Variants in ZNF430 observed in about 807,000 individuals in gnomAD.
The protein encoded by ZNF430 is zinc finger protein 430.
In ZNF430, 35 loss-of-function variants were observed where a neutral mutation model predicts 56.7. The ratio of observed to expected loss-of-function variants is 0.62; its 90% CI spans 0.47 to 0.82. The LOEUF (loss-of-function observed/expected upper bound fraction) is 0.82, where lower values mean the gene tolerates loss of function less well. Ranked by LOEUF, ZNF430 falls within the 40% of genes least tolerant of loss-of-function variation. The pLI is 0.00. For synonymous variants in ZNF430, 212 were observed against 224.3 expected (o/e 0.94, Z 0.49); for missense variants, 574 against 661.0 (o/e 0.87, Z 1.44).
At chr19:21,038,899 T>G (rs998690313) in intron 4 of ZNF430, among the ~76,000 whole-genome samples, 1 of 152,234 alleles carries the variant, frequency 6.6e-6, no homozygotes, top group Non-Finnish European at 1.5e-5. Context: ...TAGGTTGTAT[T>G]GACAACTTAA....
In ZNF430 at chr19:21,033,574, T is replaced by C. The variant is rs148598454; in HGVS notation, c.215T>C (p.Val72Ala). The C allele has an allele frequency of 2.0e-4, 327 of 1,607,688 alleles. 2 individuals are homozygous for C. In the Middle Eastern group the frequency reaches 2.2e-3, roughly 11 times the overall value. ...ATGTTAGAGAACTACAGAAACCTGGTCTTCTTGGGTGAGAATAACTTTAGT... is the reference window on the plus strand; with the variant it reads ...ATGTTAGAGAACTACAGAAACCTGGCCTTCTTGGGTGAGAATAACTTTAGT... ...KVMLENYRNLVFLAGIAVSKP... is the reference protein window; with the variant it reads ...KVMLENYRNLAFLAGIAVSKP... Residue 72 changes from valine to alanine, a missense_variant, in exon 3 of 5, where the codon GTC (valine) becomes GCC (alanine). Physicochemically the swap from Val to Ala is moderately conservative, Grantham distance 64. Around this residue, in one of 3 missense-constraint regions of ZNF430, gnomAD observed 346 missense variants for 399.1 expected, o/e 0.87. Coordinates refer to ENST00000261560, the MANE Select transcript of ZNF430 (RefSeq NM_025189.4).
chr19:21,025,591 T>C (rs76715940), intron 2 of ZNF430, among the ~76,000 whole-genome samples: 1 of 146,920 alleles, frequency 6.8e-6, no homozygotes, highest in East Asian at 2.0e-4. Flanking sequence ...ACATTTCTCC[T>C]TTTTTTTTTA....
chr19:21,056,588 G>C (rs766720832), intron 4 of ZNF430, 43 bp from the exon 5 acceptor site: 1 of 1,369,034 alleles, frequency 7.3e-7, no homozygotes, highest in South Asian at 1.6e-5. Context: ...ATATTCATCT[G>C]AGTCTAGTAA....
At position 21,054,669 on chromosome 19, in the gene ZNF430, C is replaced by CTTTTTTTTTT. The variant is rs55772412; in HGVS notation, c.323-1947_323-1938dup. 2.0e-4 allele frequency among the ~76,000 whole-genome samples: 13 copies of CTTTTTTTTTT among 65,592 alleles called. 1 individual carries two copies. Among genetic ancestry groups the CTTTTTTTTTT allele is most frequent in the African/African-American group, 3.8e-4 (6 of 15,714 alleles). The allele number at this position is 65,592 out of a possible 152,430, so 43.0% of individuals were successfully genotyped here. On this transcript the variant is annotated intron_variant, in intron 4 of 4. Transcript: ENST00000261560. ...TTTTTGAGCTTCTTCATTTTTACGT[C>CTTTTTTTTTT]TTTTTTTTTTTTTTTTTTTTTTTTG...
chr19:21,048,338 G>T (rs969285981), intron 4 of ZNF430, among the ~76,000 whole-genome samples: 1 of 150,416 alleles, frequency 6.6e-6, no homozygotes, highest in East Asian at 2.0e-4. Context: ...GCGGCCTTCC[G>T]CAGTGTTTGT....
At chr19:21,027,408 ATTTG>A (rs1282158957) in intron 2 of ZNF430, among the ~76,000 whole-genome samples, 1 of 152,130 alleles carries the variant, frequency 6.6e-6, no homozygotes, top group Non-Finnish European at 1.5e-5. Flanking sequence ...TAATCTTGGT[ATTTG>A]TTATTAGTTC....
At chr19:21,028,627 T>C (rs1296001865) in intron 2 of ZNF430, among the ~76,000 whole-genome samples, 3 of 152,222 alleles carry the variant, frequency 2.0e-5, no homozygotes, top group Non-Finnish European at 4.4e-5. Flanking sequence ...GAGTGGTTAA[T>C]TCTGCTTCTG....
At chr19:21,028,927 G>T (rs1055058570) in intron 2 of ZNF430, among the ~76,000 whole-genome samples, 3 of 151,158 alleles carry the variant, frequency 2.0e-5, no homozygotes, top group Non-Finnish European at 4.4e-5. Flanking sequence ...CTTGTGATCC[G>T]CCCACCTCAG....
intron 4 of ZNF430, among the ~76,000 whole-genome samples, chr19:21,050,455 ATC>A (rs1968265278): frequency 6.6e-6 from 1 of 152,218 alleles, no homozygotes; most frequent in Admixed American, 6.5e-5. Context: ...CAATATAATT[ATC>A]TCTTTTTCCC....
chr19:21,047,883 A>G (rs1014674034), intron 4 of ZNF430, among the ~76,000 whole-genome samples: 1 of 152,200 alleles, frequency 6.6e-6, no homozygotes, highest in Non-Finnish European at 1.5e-5. Context: ...GCTGTGCTGC[A>G]CTGAGGGAAA....
intron 4 of ZNF430, among the ~76,000 whole-genome samples, chr19:21,044,472 G>A (rs1413680750): frequency 1.3e-5 from 2 of 152,128 alleles, no homozygotes; most frequent in Admixed American, 6.5e-5. Context: ...TGTGCTGCTG[G>A]ATTTGGTTTG....
Position 21,057,837 on chromosome 19 carries a change from A to T in ZNF430, c.1529A>T (p.Asp510Val). The change falls in exon 5 of 5, where the codon GAT becomes GTT. Residue 510 changes from aspartate (D) to valine (V), a missense_variant. Physicochemically the swap from Asp to Val is radical, Grantham distance 152. Transcript: ENST00000261560. The stretch of plus-strand genomic sequence containing the variant: ...AAACATAAGATAACTCATATTGGAG[A>T]TACATCTTACAAATACCTAGAATGT... ...LTKHKITHIGDTSYKYLECDK... is the reference protein window; with the variant it reads ...LTKHKITHIGVTSYKYLECDK... 1 of 1,614,080 alleles carries T rather than the reference A, an allele frequency of 6.2e-7. No homozygotes were observed. The highest frequency in any genetic ancestry group is 8.5e-7 in the Non-Finnish European group (1 of 1,179,988).
chr19:21,058,211 G>A lies in ZNF430; in HGVS notation c.*190G>A, dbSNP rs1968415931. 3.4e-6 allele frequency: 2 copies of A among 583,184 alleles called. No individual in the cohort carries two copies. Among genetic ancestry groups the A allele is most frequent in the African/African-American group, 1.9e-5 (1 of 53,744 alleles). 36.1% of individuals were successfully genotyped at this position (583,184 alleles called of 1,614,324 possible). On this transcript the variant is annotated 3_prime_UTR_variant, in exon 5 of 5. Coordinates refer to ENST00000261560, the MANE Select transcript of ZNF430 (RefSeq NM_025189.4). ...TGTAATCCCAGCACTTTGGGAGGCT[G>A]AGACGGGTGAATTACATGAGGTTGG...
intron 4 of ZNF430, among the ~76,000 whole-genome samples, chr19:21,045,213 T>C (rs1399219391): frequency 1.3e-5 from 2 of 152,218 alleles, no homozygotes; most frequent in Non-Finnish European, 2.9e-5. Context: ...GGCTATGTAG[T>C]GCTATAAATT....
At chr19:21,054,345 A>G (rs992584618) in intron 4 of ZNF430, among the ~76,000 whole-genome samples, 1 of 151,156 alleles carries the variant, frequency 6.6e-6, no homozygotes, top group South Asian at 2.1e-4. Context: ...GTACCAATGC[A>G]CTTTTTCAGA....
At chr19:21,031,202 T>C (rs12609831) in intron 2 of ZNF430, among the ~76,000 whole-genome samples, 104,954 of 151,928 alleles carry the variant, frequency 0.69, 40,174 homozygotes, top group East Asian at 0.87. Flanking sequence ...GTCTTCTAAT[T>C]AGGATTACAT....
At position 21,057,421 on chromosome 19, in the gene ZNF430, A is replaced by G. The variant is rs999724536; in HGVS notation, c.1113A>G (p.Lys371=). ...ATAAGATAATTCATGCTGGAGAGAA[A>G]CCTTACAAATGTGAAGAATGTGGCA... ...TTHKIIHAGE[K]PYKCEECGKA... Residue 371 remains lysine (K), a synonymous_variant, in exon 5 of 5, where the codon AAA becomes AAG. Coordinates refer to ENST00000261560, the MANE Select transcript of ZNF430 (RefSeq NM_025189.4). 5.6e-6 allele frequency: 9 copies of G among 1,613,492 alleles called. No individual in the cohort carries two copies. The highest frequency in any genetic ancestry group is 1.3e-5 in the African/African-American group (1 of 74,888).
At chr19:21,031,905 G>A (rs769319301) in intron 2 of ZNF430, among the ~76,000 whole-genome samples, 1 of 152,098 alleles carries the variant, frequency 6.6e-6, no homozygotes, top group Non-Finnish European at 1.5e-5. Flanking sequence ...TAATATTCAA[G>A]GCTGTCTGCA....
rs1162623471 is a variant in ZNF430, at chr19:21,057,743, C to T, written c.1435C>T (p.His479Tyr). The T allele has an allele frequency of 6.2e-7, 1 of 1,605,332 alleles. No homozygotes were observed. Among genetic ancestry groups the T allele is most frequent in the East Asian group, 2.3e-5 (1 of 44,278 alleles). Residue 479 changes from histidine to tyrosine, a missense_variant, in exon 5 of 5, where the codon CAT (histidine) becomes TAT (tyrosine). Around this residue, in one of 3 missense-constraint regions of ZNF430, gnomAD observed 213 missense variants for 221.0 expected, o/e 0.96. Coordinates refer to ENST00000261560, the MANE Select transcript of ZNF430 (RefSeq NM_025189.4). The stretch of plus-strand genomic sequence containing the variant: ...AAAACTTACTGCACATAAGGTAATT[C>T]ATTCTGGAGAGAAACCCTACAAATG... ...SPKLTAHKVI[H>Y]SGEKPYKCEE... is the part of the protein sequence containing the mutation.
Sources: gnomAD v4.1 joint callset for allele counts (sites outside exome capture counted in the v4.1 genomes callset) on GRCh38, gnomAD v4.1.1 for gene constraint, gnomAD v4.1.1 regional missense constraint, MANE v1.5 for transcripts, NCBI Gene and HGNC (gene_info 2026-07-23, HGNC 2026-07-21) for gene names.